Variants in TMEM135 observed in about 807,000 individuals in gnomAD.
TMEM135 encodes the protein transmembrane protein 135, also known as peroxisomal membrane protein 52.
In TMEM135, 30 loss-of-function variants were observed where a neutral mutation model predicts 60.3. That is an observed-to-expected ratio of 0.50 (90% CI 0.37 to 0.68). The LOEUF (loss-of-function observed/expected upper bound fraction) is 0.68. Among genes scored for constraint, TMEM135 ranks in the 30% least tolerant of loss-of-function variants. The probability of loss-of-function intolerance (pLI) is 0.00; values close to 1 mark genes in which losing one functional copy is unlikely to be tolerated. For synonymous variants in TMEM135, 190 were observed against 186.7 expected (o/e 1.02, Z -0.14); for missense variants, 468 against 548.8 (o/e 0.85, Z 1.47).
rs750372084 is a variant in TMEM135, at chr11:87,324,808, A to C, written c.*3475A>C. On this transcript the variant is annotated 3_prime_UTR_variant, in exon 15 of 15. Coordinates refer to ENST00000305494, the MANE Select transcript of TMEM135 (RefSeq NM_022918.4). ...CTTTGTTTCCCAAAGGCAAAAGTATACATTTCTTACTAAGATATCTTATAA... is the reference window on the plus strand; with the variant it reads ...CTTTGTTTCCCAAAGGCAAAAGTATCCATTTCTTACTAAGATATCTTATAA... The C allele has an allele frequency of 4.4e-6, 2 of 453,986 alleles. No individual in the cohort carries two copies. Among genetic ancestry groups the C allele is most frequent in the Non-Finnish European group, 8.8e-6 (2 of 226,758 alleles). The allele number at this position is 453,986 out of a possible 1,614,324, so 28.1% of individuals were successfully genotyped here.
At chr11:87,213,846 T>G (rs1940434876) in intron 5 of TMEM135, among the ~76,000 whole-genome samples, 1 of 152,214 alleles carries the variant, frequency 6.6e-6, no homozygotes, top group Non-Finnish European at 1.5e-5. Flanking sequence ...AATGACCTAG[T>G]AAAGATGCAG....
At chr11:87,102,684 ATG>A (rs112613071) in intron 4 of TMEM135, among the ~76,000 whole-genome samples, 2,189 of 140,526 alleles carry the variant, frequency 0.016, 56 homozygotes, top group African/African-American at 0.056. Context: ...TGATATATAT[ATG>A]TGTGTGTATA....
chr11:87,186,713 T>A (rs1353248672), intron 5 of TMEM135, among the ~76,000 whole-genome samples: 2 of 152,176 alleles, frequency 1.3e-5, no homozygotes, highest in African/African-American at 4.8e-5. Flanking sequence ...TATCTCCACT[T>A]AATAGTAGGA....
chr11:87,132,784 C>A (rs1454012175), intron 4 of TMEM135, among the ~76,000 whole-genome samples: 3 of 151,828 alleles, frequency 2.0e-5, no homozygotes, highest in African/African-American at 7.3e-5. Context: ...CTGGAATTTG[C>A]AGATTGTACC....
chr11:87,247,973 G>C (rs1941325815), intron 6 of TMEM135, among the ~76,000 whole-genome samples: 1 of 151,060 alleles, frequency 6.6e-6, no homozygotes, highest in Non-Finnish European at 1.5e-5. Flanking sequence ...CTTTAGACTG[G>C]AGCTGTTCCT....
intron 6 of TMEM135, among the ~76,000 whole-genome samples, chr11:87,259,860 G>A (rs1941611419): frequency 6.6e-6 from 1 of 152,124 alleles, no homozygotes; most frequent in Non-Finnish European, 1.5e-5. Context: ...GAAAAAGTGG[G>A]TCTCTTCCCT....
At chr11:87,044,653 TTTTA>T (rs1949779138) in intron 1 of TMEM135, among the ~76,000 whole-genome samples, 1 of 152,046 alleles carries the variant, frequency 6.6e-6, no homozygotes, top group Admixed American at 6.6e-5. Context: ...AGTCATATGG[TTTTA>T]TTTATTTATT....
chr11:87,166,288 G>C (rs1488847169), intron 5 of TMEM135, among the ~76,000 whole-genome samples: 1 of 151,704 alleles, frequency 6.6e-6, no homozygotes, highest in African/African-American at 2.4e-5. Flanking sequence ...TTATTTTGCT[G>C]TGCAGAAACT....
intron 5 of TMEM135, among the ~76,000 whole-genome samples, chr11:87,194,739 C>CTGT (rs138543371): frequency 0.065 from 9,959 of 152,092 alleles, 346 homozygotes; most frequent in African/African-American, 0.087. Context: ...TCAGTAGTTG[C>CTGT]TGTAAGTATG....
At chr11:87,143,499 C>A (rs1427708149) in intron 4 of TMEM135, among the ~76,000 whole-genome samples, 1 of 151,834 alleles carries the variant, frequency 6.6e-6, no homozygotes, top group Non-Finnish European at 1.5e-5. Flanking sequence ...ACCTTAAGTT[C>A]TGCCCTCTGA....
At chr11:87,192,891 G>A (rs1361746837) in intron 5 of TMEM135, among the ~76,000 whole-genome samples, 1 of 152,160 alleles carries the variant, frequency 6.6e-6, no homozygotes, top group Non-Finnish European at 1.5e-5. Context: ...AAGGTGGGCA[G>A]ATCACTTGAG....
intron 6 of TMEM135, among the ~76,000 whole-genome samples, chr11:87,242,046 C>G (rs1941148364): frequency 6.6e-6 from 1 of 151,458 alleles, no homozygotes; most frequent in South Asian, 2.1e-4. Context: ...GTTCCCCTTC[C>G]TGTGTCCATG....
intron 6 of TMEM135, among the ~76,000 whole-genome samples, chr11:87,288,563 C>T (rs900886752): frequency 2.0e-5 from 3 of 151,998 alleles, no homozygotes; most frequent in African/African-American, 7.2e-5. Context: ...TCTGTTTTTC[C>T]ATTGTGATTT....
chr11:87,202,730 T>TAAAAA (rs201573717), intron 5 of TMEM135, among the ~76,000 whole-genome samples: 24 of 134,412 alleles, frequency 1.8e-4, no homozygotes, highest in Non-Finnish European at 3.7e-4. Context: ...TAAAAGACTT[T>TAAAAA]AAAAAAAAAA....
At chr11:87,144,800 TG>T (rs1938366063) in intron 4 of TMEM135, among the ~76,000 whole-genome samples, 1 of 151,832 alleles carries the variant, frequency 6.6e-6, no homozygotes, top group Non-Finnish European at 1.5e-5. Context: ...GTGATGTATC[TG>T]GGTATGGTTT....
intron 6 of TMEM135, among the ~76,000 whole-genome samples, chr11:87,257,180 C>T (rs1941543041): frequency 6.6e-6 from 1 of 152,094 alleles, no homozygotes; most frequent in Non-Finnish European, 1.5e-5. Context: ...GTTTAAGGAG[C>T]ATTATTACTA....
chr11:87,142,232 G>A (rs1311192501), intron 4 of TMEM135, among the ~76,000 whole-genome samples: 1 of 152,204 alleles, frequency 6.6e-6, no homozygotes, highest in Non-Finnish European at 1.5e-5. Context: ...TCTTGGTAGT[G>A]TTGGTAGGGA....
At chr11:87,067,303 G>A (rs1166474209) in intron 1 of TMEM135, among the ~76,000 whole-genome samples, 1 of 150,546 alleles carries the variant, frequency 6.6e-6, no homozygotes, top group Non-Finnish European at 1.5e-5. Context: ...TATTAGTGAA[G>A]TTCTCTAATA....
At chr11:87,173,191 T>TTAGTTCAAG (rs1939284122) in intron 5 of TMEM135, among the ~76,000 whole-genome samples, 1 of 152,178 alleles carries the variant, frequency 6.6e-6, no homozygotes, top group Non-Finnish European at 1.5e-5. Context: ...AAGCAAAGTA[T>TTAGTTCAAG]TAGTTCAAGT....
Sources: allele counts gnomAD v4.1 joint callset (sites outside exome capture counted in the v4.1 genomes callset), GRCh38; gene constraint gnomAD v4.1.1; transcripts MANE v1.5; gene names NCBI Gene and HGNC (gene_info 2026-07-23, HGNC 2026-07-21).